Variants in CDR2 observed in about 807,000 individuals in gnomAD.
The protein encoded by CDR2 is cerebellar degeneration related protein 2.
A neutral mutation model predicts 48.4 loss-of-function variants in CDR2; 34 were observed. The ratio of observed to expected loss-of-function variants is 0.70; its 90% CI spans 0.53 to 0.94. The LOEUF is 0.94. Ranked by LOEUF, CDR2 falls within the 40% of genes least tolerant of loss-of-function variation. CDR2 has a pLI of 0.00. For synonymous variants in CDR2, 240 were observed against 219.7 expected (o/e 1.09, Z -0.82); for missense variants, 498 against 549.5 (o/e 0.91, Z 0.94).
chr16:22,361,699 A>G (rs2049011305), intron 2 of CDR2, among the ~76,000 whole-genome samples: 1 of 152,204 alleles, frequency 6.6e-6, no homozygotes, highest in Non-Finnish European at 1.5e-5. Context: ...AGTCAACTGT[A>G]ATGGTGGTGA....
chr16:22,371,929 T>C lies in CDR2; in HGVS notation c.79+2302A>G, dbSNP rs939630195. ...TCTTGTCATCCAGGCTGGAGTGCAATAGCACGATCTCAGCTCACTGCAACT... is the reference window on the plus strand; with the variant it reads ...TCTTGTCATCCAGGCTGGAGTGCAACAGCACGATCTCAGCTCACTGCAACT... On this transcript the variant is annotated intron_variant, in intron 1 of 4. Transcript: ENST00000268383. Among the ~76,000 whole-genome samples, 5 of 151,916 alleles carry C rather than the reference T, an allele frequency of 3.3e-5. 1 individual carries two copies. The East Asian group carries it at 5.8e-4, about 18-fold the overall frequency.
intron 1 of CDR2, among the ~76,000 whole-genome samples, chr16:22,367,371 A>G (rs1470526510): frequency 6.6e-6 from 1 of 152,210 alleles, no homozygotes; most frequent in Non-Finnish European, 1.5e-5. Flanking sequence ...AGGTCTGACA[A>G]GACCTTTTAG....
chr16:22,347,720 T>C lies in CDR2; in HGVS notation c.610A>G (p.Met204Val), dbSNP rs1308464786. ...ENEHLKKTVT[M>V]LQAQLSLERQ... The stretch of plus-strand genomic sequence containing the variant: ...TCCAGGCTCAGCTGGGCCTGCAACA[T>C]TGTCACTGTTTTTTTCAAGTGCTCA... Residue 204 changes from methionine to valine, a missense_variant, in exon 5 of 5, where the codon ATG becomes GTG. Physicochemically the swap from Met to Val is conservative, Grantham distance 21. Transcript: ENST00000268383. 5 of 1,614,136 alleles carry C rather than the reference T, an allele frequency of 3.1e-6. No individual in the cohort carries two copies. The South Asian group carries it at 4.4e-5, about 14-fold the overall frequency.
chr16:22,356,661 G>A (rs1247755710), intron 2 of CDR2, among the ~76,000 whole-genome samples: 1 of 152,100 alleles, frequency 6.6e-6, no homozygotes, highest in Non-Finnish European at 1.5e-5. Flanking sequence ...GCTGAGGCAG[G>A]AGAATCACTT....
Position 22,347,836 on chromosome 16 carries a change from A to C in CDR2, c.507-13T>G. The C allele has an allele frequency of 6.3e-7, 1 of 1,595,560 alleles. No homozygotes were observed. The highest frequency in any genetic ancestry group is 2.2e-5 in the East Asian group (1 of 44,612). ...ATACACGAAGTGTCTAGGGAAAAAA[A>C]TATTGAAAGAATATATTACACAGGT... On this transcript the variant is annotated splice_polypyrimidine_tract_variant and intron_variant, in intron 4 of 4. Coordinates refer to ENST00000268383, the MANE Select transcript of CDR2 (RefSeq NM_001802.2).
At chr16:22,355,277 C>A (rs1347761732) in intron 2 of CDR2, among the ~76,000 whole-genome samples, 1 of 152,180 alleles carries the variant, frequency 6.6e-6, no homozygotes, top group Non-Finnish European at 1.5e-5. Context: ...GGGGAGATAT[C>A]TTTGCCTTTT....
intron 1 of CDR2, among the ~76,000 whole-genome samples, chr16:22,370,900 C>T (rs2049071232): frequency 6.6e-6 from 1 of 152,166 alleles, no homozygotes; most frequent in Non-Finnish European, 1.5e-5. Flanking sequence ...TTGTAAGATA[C>T]TGAGAACAGG....
At chr16:22,361,678 A>G (rs192237719) in intron 2 of CDR2, among the ~76,000 whole-genome samples, 1 of 152,336 alleles carries the variant, frequency 6.6e-6, no homozygotes, top group Non-Finnish European at 1.5e-5. Context: ...ATAAAAGGAA[A>G]GAAAAAAGAA....
Position 22,347,562 on chromosome 16 carries a change from C to T in CDR2, c.768G>A (p.Glu256=). ...GCTCTGACTGCAACATCTGTCGCAT[C>T]TCTGCCACCTCGGCCTCTAGTTCCA... ...RALELEAEVA[E]MRQMLQSEHP... is the part of the protein sequence containing the mutation. The change falls in exon 5 of 5, where the codon GAG becomes GAA. Residue 256 remains glutamate, a synonymous_variant. Coordinates refer to ENST00000268383, the MANE Select transcript of CDR2 (RefSeq NM_001802.2). 1 of 1,614,134 alleles carries T rather than the reference C, an allele frequency of 6.2e-7. No individual in the cohort carries two copies. Among genetic ancestry groups the T allele is most frequent in the Non-Finnish European group, 8.5e-7 (1 of 1,180,036 alleles).
rs371768320 is a variant in CDR2 at position 22,359,056 on chromosome 16, G to A, written c.192+5846C>T. 4.6e-5 allele frequency among the ~76,000 whole-genome samples: 7 copies of A among 152,106 alleles called. No individual in the cohort carries two copies. The East Asian group carries it at 7.7e-4, about 17-fold the overall frequency. ...ACACATTGTATGCTTGTATCAAAAC[G>A]TCACAGGCGCCCCAGATATATGTAA... On this transcript the variant is annotated intron_variant, in intron 2 of 4. Coordinates refer to ENST00000268383, the MANE Select transcript of CDR2 (RefSeq NM_001802.2).
chr16:22,347,683 C>G lies in CDR2; in HGVS notation c.647G>C (p.Arg216Pro). 2 of 1,614,024 alleles carry G rather than the reference C, an allele frequency of 1.2e-6. No individual in the cohort carries two copies. The highest frequency in any genetic ancestry group is 1.7e-6 in the Non-Finnish European group (2 of 1,180,020). Residue 216 changes from arginine (R) to proline (P), a missense_variant, in exon 5 of 5, where the codon CGG (arginine) becomes CCG (proline). Arg to Pro is a moderately radical substitution (Grantham distance 103). Coordinates refer to ENST00000268383, the MANE Select transcript of CDR2 (RefSeq NM_001802.2). ...QAQLSLERQK[R>P]VTMEEEYGLV... The stretch of plus-strand genomic sequence containing the variant: ...CCCATATTCCTCCTCCATAGTCACC[C>G]GCTTCTGCCGCTCCAGGCTCAGCTG...
At chr16:22,371,848 ATGTGTGTGTGTGTGTGTG>A (rs56274013) in intron 1 of CDR2, among the ~76,000 whole-genome samples, 56 of 148,554 alleles carry the variant, frequency 3.8e-4, no homozygotes, top group African/African-American at 1.1e-3. Context: ...AGGTTCAGAT[ATGTGTGTGTGTGTGTGTG>A]TGTGTGTGTG....
chr16:22,358,087 C>CT (rs1426451870), intron 2 of CDR2, among the ~76,000 whole-genome samples: 1 of 152,144 alleles, frequency 6.6e-6, no homozygotes, highest in Non-Finnish European at 1.5e-5. Flanking sequence ...GATGAGCTCT[C>CT]TAAGTACGTA....
intron 2 of CDR2, among the ~76,000 whole-genome samples, chr16:22,351,667 C>T (rs1048200662): frequency 2.2e-4 from 33 of 152,130 alleles, no homozygotes; most frequent in Non-Finnish European, 3.8e-4. Context: ...GTTTTATCAC[C>T]ATTATCCTCC....
chr16:22,373,310 A>C (rs2141857125), intron 1 of CDR2, among the ~76,000 whole-genome samples: 1 of 152,300 alleles, frequency 6.6e-6, no homozygotes, highest in Middle Eastern at 3.4e-3. Flanking sequence ...CTGGCGTGCA[A>C]ACTGAAGAAA....
At chr16:22,359,134 CTT>C (rs937222691) in intron 2 of CDR2, among the ~76,000 whole-genome samples, 1 of 146,842 alleles carries the variant, frequency 6.8e-6, no homozygotes, top group Non-Finnish European at 1.5e-5. Flanking sequence ...TACTAAAATT[CTT>C]TTTTTTTTTG....
chr16:22,364,315 C>A (rs1206116021), intron 2 of CDR2, among the ~76,000 whole-genome samples: 1 of 151,992 alleles, frequency 6.6e-6, no homozygotes, highest in Non-Finnish European at 1.5e-5. Flanking sequence ...GAGAAAGCAA[C>A]ATGTATTTTA....
intron 2 of CDR2, among the ~76,000 whole-genome samples, chr16:22,359,663 G>A (rs533989241): frequency 6.6e-6 from 1 of 152,262 alleles, no homozygotes; most frequent in Non-Finnish European, 1.5e-5. Context: ...TAATTCATAT[G>A]TCTAAATTCT....
intron 2 of CDR2, among the ~76,000 whole-genome samples, chr16:22,359,080 A>G (rs1473666241): frequency 6.6e-6 from 1 of 152,190 alleles, no homozygotes; most frequent in Non-Finnish European, 1.5e-5. Flanking sequence ...AGATATATGT[A>G]AAGCTGTTAT....
Sources: allele counts gnomAD v4.1 joint callset (sites outside exome capture counted in the v4.1 genomes callset), GRCh38; gene constraint gnomAD v4.1.1; transcripts MANE v1.5; gene names NCBI Gene and HGNC (gene_info 2026-07-23, HGNC 2026-07-21).